CACNA2D1: variants seen among roughly 807,000 people sequenced by gnomAD.
The protein encoded by CACNA2D1 is voltage-dependent calcium channel subunit alpha-2/delta-1.
Under a neutral mutation model 171.5 loss-of-function variants are expected in CACNA2D1, and 53 were observed. The ratio of observed to expected loss-of-function variants is 0.31; its 90% CI spans 0.25 to 0.39. The LOEUF (loss-of-function observed/expected upper bound fraction) is 0.39, where lower values mean the gene tolerates loss of function less well. Ranked by LOEUF, CACNA2D1 falls within the 10% of genes least tolerant of loss-of-function variation. The probability of loss-of-function intolerance (pLI) is 1.00; values close to 1 mark genes in which losing one functional copy is unlikely to be tolerated. For synonymous variants in CACNA2D1, 442 were observed against 443.1 expected (o/e 1.00, Z 0.03); for missense variants, 903 against 1,299.8 (o/e 0.69, Z 4.69).
At chr7:82,249,788 A>T (rs573217603) in intron 3 of CACNA2D1, among the ~76,000 whole-genome samples, 3 of 152,324 alleles carry the variant, frequency 2.0e-5, no homozygotes, top group South Asian at 2.1e-4. Flanking sequence ...ACCAATCAGA[A>T]CCTATCCCTG....
At chr7:82,274,843 A>T (rs1425064886) in intron 3 of CACNA2D1, among the ~76,000 whole-genome samples, 1 of 131,544 alleles carries the variant, frequency 7.6e-6, no homozygotes, top group Non-Finnish European at 1.6e-5. Context: ...ATATGTGTTC[A>T]ATACAGGTAT....
At chr7:82,372,967 T>A (rs4732447) in intron 1 of CACNA2D1, among the ~76,000 whole-genome samples, 2 of 151,812 alleles carry the variant, frequency 1.3e-5, no homozygotes, top group African/African-American at 4.8e-5. Flanking sequence ...GGCGGATCAC[T>A]GGACGTCAGG....
intron 16 of CACNA2D1, among the ~76,000 whole-genome samples, chr7:82,006,617 G>C (rs1375286960): frequency 3.3e-5 from 5 of 152,084 alleles, no homozygotes; most frequent in Non-Finnish European, 2.9e-5. Flanking sequence ...TAAGAAAGTT[G>C]TATCAACAAC....
rs1021416864 is a variant in CACNA2D1, at chr7:82,293,047, A to G, written c.294+42088T>C. ...GACTGATCTAATTTCCTATGACTTT[A>G]TCTTCTATTTTTTATTTCTTTGCCT... On this transcript the variant is annotated intron_variant, in intron 3 of 38. Coordinates refer to ENST00000356860, the MANE Select transcript of CACNA2D1 (RefSeq NM_000722.4). Among the ~76,000 whole-genome samples, 15 of 151,788 alleles carry G rather than the reference A, an allele frequency of 9.9e-5. 1 individual carries two copies. The South Asian group carries it at 3.1e-3, about 32-fold the overall frequency.
chr7:82,060,404 A>C, intron 10 of CACNA2D1, 24 bp downstream of exon 10: 1 of 1,489,962 alleles, frequency 6.7e-7, no homozygotes, highest in South Asian at 1.1e-5. Flanking sequence ...TTAATTCAGG[A>C]AAATGCAGTC....
At chr7:82,368,219 T>A (rs1821976383) in intron 1 of CACNA2D1, among the ~76,000 whole-genome samples, 1 of 152,208 alleles carries the variant, frequency 6.6e-6, no homozygotes, top group African/African-American at 2.4e-5. Context: ...AGCAGAAACT[T>A]CAACCCAAAG....
intron 1 of CACNA2D1, among the ~76,000 whole-genome samples, chr7:82,373,510 G>A (rs186837458): frequency 2.0e-5 from 3 of 152,194 alleles, no homozygotes; most frequent in Admixed American, 6.5e-5. Context: ...AATTGTTACA[G>A]GATCTCATAC....
chr7:82,310,827 A>T (rs1384430337), intron 3 of CACNA2D1, among the ~76,000 whole-genome samples: 2 of 152,106 alleles, frequency 1.3e-5, no homozygotes, highest in African/African-American at 4.8e-5. Context: ...ATGACCTGTG[A>T]TCCTATTTTT....
chr7:81,955,907 G>GT (rs1793211758), intron 38 of CACNA2D1, among the ~76,000 whole-genome samples: 2 of 16,468 alleles, frequency 1.2e-4, no homozygotes, highest in Non-Finnish European at 2.2e-4. Context: ...TATTTTGGTG[G>GT]GGGGGGGGGG....
At chr7:82,213,927 G>C (rs1169516454) in intron 3 of CACNA2D1, among the ~76,000 whole-genome samples, 1 of 152,162 alleles carries the variant, frequency 6.6e-6, no homozygotes, top group Non-Finnish European at 1.5e-5. Context: ...ATTTCTCACA[G>C]TTCTGGAGGC....
chr7:82,160,440 A>C (rs1326089905), intron 4 of CACNA2D1, among the ~76,000 whole-genome samples: 1 of 152,124 alleles, frequency 6.6e-6, no homozygotes. Flanking sequence ...ATCAGTATTA[A>C]ATACTGTCAG....
intron 1 of CACNA2D1, among the ~76,000 whole-genome samples, chr7:82,353,943 G>A (rs1820136516): frequency 6.6e-6 from 1 of 152,014 alleles, no homozygotes; most frequent in African/African-American, 2.4e-5. Context: ...TAAGAAAACA[G>A]CAAAAGCAGG....
At chr7:81,953,924 A>C (rs999061734) in intron 38 of CACNA2D1, among the ~76,000 whole-genome samples, 2 of 151,938 alleles carry the variant, frequency 1.3e-5, no homozygotes, top group Non-Finnish European at 2.9e-5. Flanking sequence ...TGTGATGATG[A>C]GATATGTCTG....
intron 5 of CACNA2D1, among the ~76,000 whole-genome samples, chr7:82,128,065 A>C (rs1790537371): frequency 6.6e-6 from 1 of 151,234 alleles, no homozygotes; most frequent in South Asian, 2.1e-4. Flanking sequence ...CTGGGACTAC[A>C]GGTGCACCCC....
rs187274638 is a variant in CACNA2D1, at chr7:82,171,740, T to C, written c.295-1131A>G. ...TGGTTTGCCTTATGCAGCTAGAAGATAGTGATAAAACTGAGCAAACAGAAA... is the reference window on the plus strand; with the variant it reads ...TGGTTTGCCTTATGCAGCTAGAAGACAGTGATAAAACTGAGCAAACAGAAA... On this transcript the variant is annotated intron_variant, in intron 3 of 38. Coordinates refer to ENST00000356860, the MANE Select transcript of CACNA2D1 (RefSeq NM_000722.4). Among the ~76,000 whole-genome samples, 441 of 152,230 alleles carry C rather than the reference T, an allele frequency of 2.9e-3. 4 individuals carry two copies. The highest frequency in any genetic ancestry group is 0.01 in the African/African-American group (423 of 41,552).
intron 5 of CACNA2D1, among the ~76,000 whole-genome samples, chr7:82,124,121 A>G (rs1427983345): frequency 1.3e-5 from 2 of 152,184 alleles, no homozygotes; most frequent in Non-Finnish European, 1.5e-5. Context: ...GCCAACATCA[A>G]AAATTGAAAT....
chr7:82,332,536 AAGAAAG>A (rs10610241), intron 3 of CACNA2D1, among the ~76,000 whole-genome samples: 11,426 of 78,310 alleles, frequency 0.15, 1,543 homozygotes, highest in African/African-American at 0.32. Context: ...GAAAGAAAGA[AAGAAAG>A]AAAGAAAGAA....
chr7:82,319,911 C>T (rs1335682475), intron 3 of CACNA2D1, among the ~76,000 whole-genome samples: 1 of 152,152 alleles, frequency 6.6e-6, no homozygotes, highest in Non-Finnish European at 1.5e-5. Context: ...TTAACTGGGC[C>T]TTGACAGCGT....
intron 3 of CACNA2D1, among the ~76,000 whole-genome samples, chr7:82,247,872 C>A (rs1046717515): frequency 1.3e-5 from 2 of 152,128 alleles, no homozygotes; most frequent in African/African-American, 4.8e-5. Context: ...GGGCAGGGGA[C>A]GGGCGAAGTC....
Sources: gnomAD v4.1 joint callset for allele counts (sites outside exome capture counted in the v4.1 genomes callset) on GRCh38, gnomAD v4.1.1 for gene constraint, MANE v1.5 for transcripts, NCBI Gene and HGNC (gene_info 2026-07-23, HGNC 2026-07-21) for gene names.